Variants in NFYC observed in about 807,000 individuals in gnomAD.
The protein encoded by NFYC is nuclear transcription factor Y subunit gamma.
NFYC carries 25 observed loss-of-function variants against 53.1 expected under a neutral mutation model. The ratio of observed to expected loss-of-function variants is 0.47; its 90% CI spans 0.34 to 0.66. NFYC has a LOEUF of 0.66. Ranked by LOEUF, NFYC falls within the 30% of genes least tolerant of loss-of-function variation. The pLI is 0.01. For missense variants in NFYC, 260 were observed against 422.7 expected, an observed-to-expected ratio of 0.62 and a Z score of 3.38; for synonymous variants, 145 against 152.6, an observed-to-expected ratio of 0.95 and a Z score of 0.37.
At chr1:40,712,941 A>G (rs1434799430) in intron 1 of NFYC, 6 of 152,118 alleles carry the variant, frequency 3.9e-5, no homozygotes, top group Non-Finnish European at 7.3e-5. Flanking sequence ...GACTCAAGTG[A>G]TCCTCCTGCC....
At chr1:40,722,985 G>A (rs1454587437) in intron 1 of NFYC, among the ~76,000 whole-genome samples, 2 of 152,166 alleles carry the variant, frequency 1.3e-5, no homozygotes, top group African/African-American at 4.8e-5. Flanking sequence ...TAGAGCTTTT[G>A]CATTTTGACT....
chr1:40,726,767 C>G (rs773153857), intron 1 of NFYC, among the ~76,000 whole-genome samples: 3 of 152,222 alleles, frequency 2.0e-5, no homozygotes, highest in Non-Finnish European at 4.4e-5. Context: ...TCAGTTGACT[C>G]TTCCTTTCAT....
At position 40,770,355 on chromosome 1, in the gene NFYC, A is replaced by G; in HGVS notation, c.889-354A>G. 1 of 1,512,744 alleles carries G rather than the reference A, an allele frequency of 6.6e-7. No homozygotes were observed. Among genetic ancestry groups the G allele is most frequent in the South Asian group, 1.3e-5 (1 of 79,088 alleles). The allele number at this position is 1,512,744 out of a possible 1,614,324, so 93.7% of individuals were successfully genotyped here. On this transcript the variant is annotated intron_variant, in intron 9 of 9. Coordinates refer to ENST00000447388, the MANE Select transcript of NFYC (RefSeq NM_014223.5). The surrounding 1 kb of genome is among the most constrained non-coding windows in gnomAD (Gnocchi z 5.3). ...AGAGTTGGGGAAATGCTGACTTCCA[A>G]GCTGCTGGTACAGTGGTTCGAATTG...
intron 4 of NFYC, among the ~76,000 whole-genome samples, chr1:40,751,060 T>G (rs1645887099): frequency 2.6e-5 from 4 of 152,234 alleles, no homozygotes; most frequent in Admixed American, 2.6e-4. Flanking sequence ...AAAAGAACTG[T>G]AGCCATTCTT....
Position 40,738,901 on chromosome 1 carries a change from C to T in NFYC, c.58C>T (p.Gln20Ter). 1 of 1,614,110 alleles carries T rather than the reference C, an allele frequency of 6.2e-7. No individual in the cohort carries two copies. The highest frequency in any genetic ancestry group is 8.5e-7 in the Non-Finnish European group (1 of 1,179,968). Residue 20 changes from glutamine to a stop codon, truncating the protein, a stop_gained, in exon 2 of 10, where the codon CAG (glutamine) becomes TAG (stop). Transcript: ENST00000447388. LOFTEE classifies it high-confidence loss of function. ...TSSSDAQQSL[Q>*]SFWPRVMEEI... ...CAGCAGTGATGCCCAGCAAAGCCTA[C>T]AGTCGTTCTGGCCTCGGGTCATGGA...
chr1:40,720,846 G>C (rs1159458547), intron 1 of NFYC, among the ~76,000 whole-genome samples: 1 of 152,136 alleles, frequency 6.6e-6, no homozygotes, highest in Non-Finnish European at 1.5e-5. Context: ...TCCAGCGTGG[G>C]CAACAGAGCA....
At chr1:40,738,739 A>C in intron 1 of NFYC, 97 bp from the exon 2 acceptor site, 3 of 814,474 alleles carry the variant, frequency 3.7e-6, no homozygotes, top group Non-Finnish European at 6.0e-6. Flanking sequence ...GATTGAATAG[A>C]TTCATAAAAA....
At chr1:40,764,573 T>TC (rs1345855005) in intron 7 of NFYC, among the ~76,000 whole-genome samples, 2 of 152,194 alleles carry the variant, frequency 1.3e-5, no homozygotes. Context: ...ATACTTTAAC[T>TC]CTCTGGGGCA....
At chr1:40,719,928 A>G (rs1030409283) in intron 1 of NFYC, among the ~76,000 whole-genome samples, 2 of 152,228 alleles carry the variant, frequency 1.3e-5, no homozygotes, top group African/African-American at 4.8e-5. Context: ...TGCTTATCTT[A>G]TGTGTTTATG....
intron 1 of NFYC, chr1:40,734,913 G>A (rs190827938): frequency 6.6e-6 from 1 of 152,076 alleles, no homozygotes; most frequent in Non-Finnish European, 1.5e-5. Context: ...TTTGTCTTTC[G>A]AAGTCAGGAA....
intron 7 of NFYC, 81 bp from the exon 8 acceptor site, chr1:40,766,515 A>G: frequency 4.8e-6 from 5 of 1,052,064 alleles, no homozygotes; most frequent in Admixed American, 2.3e-5. Flanking sequence ...GGGGCAATCA[A>G]CATCTCTGGT....
At chr1:40,709,537 G>C (rs921388609) in intron 1 of NFYC, 1 of 152,166 alleles carries the variant, frequency 6.6e-6, no homozygotes, top group Non-Finnish European at 1.5e-5. Context: ...CGTCCTTTGG[G>C]GGGTAGGGAT....
At chr1:40,768,273 G>C (rs577475439) in intron 8 of NFYC, among the ~76,000 whole-genome samples, 67 of 152,324 alleles carry the variant, frequency 4.4e-4, no homozygotes, top group African/African-American at 1.5e-3. Flanking sequence ...TTTTCCATTT[G>C]TCTCAGGCTC....
intron 1 of NFYC, among the ~76,000 whole-genome samples, chr1:40,734,651 G>A (rs1357989806): frequency 2.6e-5 from 4 of 152,232 alleles, no homozygotes; most frequent in South Asian, 4.1e-4. Flanking sequence ...GTGAACCACC[G>A]TGCCCGGCCT....
At chr1:40,743,529 T>C (rs1645458383) in intron 2 of NFYC, among the ~76,000 whole-genome samples, 1 of 152,218 alleles carries the variant, frequency 6.6e-6, no homozygotes, top group Admixed American at 6.5e-5. Context: ...CTACTTACTC[T>C]TTACATCCCA....
intron 8 of NFYC, chr1:40,766,949 G>C: frequency 2.6e-6 from 4 of 1,552,100 alleles, no homozygotes; most frequent in Non-Finnish European, 3.5e-6. Flanking sequence ...GGGAAGCCTC[G>C]AAGGTGCCTG....
At chr1:40,731,366 G>A (rs900319511) in intron 1 of NFYC, among the ~76,000 whole-genome samples, 11 of 151,906 alleles carry the variant, frequency 7.2e-5, no homozygotes, top group African/African-American at 2.7e-4. Flanking sequence ...GTAGAGACAG[G>A]GTTTTACCAT....
intron 1 of NFYC, among the ~76,000 whole-genome samples, chr1:40,708,933 A>G (rs1570350099): frequency 6.6e-6 from 1 of 152,254 alleles, no homozygotes; most frequent in Admixed American, 6.5e-5. Context: ...TTGATGGCCA[A>G]TCAGAAGCAG....
intron 2 of NFYC, among the ~76,000 whole-genome samples, chr1:40,740,121 G>A (rs1042571910): frequency 1.3e-5 from 2 of 152,164 alleles, no homozygotes; most frequent in Admixed American, 1.3e-4. Flanking sequence ...ACATACTAAA[G>A]GAGCTCCCCA....
Sources: allele counts gnomAD v4.1 joint callset (sites outside exome capture counted in the v4.1 genomes callset), GRCh38; gene constraint gnomAD v4.1.1; non-coding constraint Gnocchi (gnomAD v3.1); transcripts MANE v1.5; gene names NCBI Gene and HGNC (gene_info 2026-07-23, HGNC 2026-07-21).